The following SNX29 variants were observed in gnomAD, a reference collection of about 807,000 sequenced individuals.
SNX29 encodes the protein sorting nexin-29.
A neutral mutation model predicts 102.1 loss-of-function variants in SNX29; 78 were observed. The observed-to-expected ratio is 0.76, with a 90% CI of 0.64 to 0.92. The LOEUF is 0.92. SNX29 is among the 40% of genes least tolerant of loss of function. The pLI is 0.00. For missense variants in SNX29, 1,280 were observed against 1,061.7 expected, an observed-to-expected ratio of 1.21 and a Z score of -2.86; for synonymous variants, 580 against 414.5, an observed-to-expected ratio of 1.40 and a Z score of -4.85.
chr16:12,226,711 T>G (rs1188220274), intron 14 of SNX29, among the ~76,000 whole-genome samples: 2 of 151,972 alleles, frequency 1.3e-5, no homozygotes, highest in African/African-American at 4.8e-5. Context: ...GTAGCCGGGA[T>G]TACAGGTGTG....
At chr16:12,032,954 A>G (rs935431739) in intron 4 of SNX29, among the ~76,000 whole-genome samples, 1 of 152,090 alleles carries the variant, frequency 6.6e-6, no homozygotes, top group African/African-American at 2.4e-5. Context: ...CCCCAGGTTC[A>G]AGTGATTCTC....
At chr16:12,297,655 C>T (rs2080027464) in intron 15 of SNX29, among the ~76,000 whole-genome samples, 1 of 152,110 alleles carries the variant, frequency 6.6e-6, no homozygotes, top group Admixed American at 6.6e-5. Flanking sequence ...TTGCATTCGT[C>T]ATAACACAGT....
chr16:12,185,858 G>A (rs1486997304), intron 13 of SNX29, among the ~76,000 whole-genome samples: 1 of 152,196 alleles, frequency 6.6e-6, no homozygotes, highest in East Asian at 1.9e-4. Flanking sequence ...CTCATTTGAG[G>A]TCAGATGCTC....
At chr16:12,567,087 G>A (rs995421244) in intron 20 of SNX29, among the ~76,000 whole-genome samples, 7 of 152,242 alleles carry the variant, frequency 4.6e-5, no homozygotes, top group Non-Finnish European at 1.0e-4. Flanking sequence ...GGATCCTCGA[G>A]GGGAATGATT....
chr16:12,279,430 C>T (rs1236960190), intron 15 of SNX29, among the ~76,000 whole-genome samples: 1 of 152,230 alleles, frequency 6.6e-6, no homozygotes, highest in African/African-American at 2.4e-5. Context: ...CCTTAACACA[C>T]AGGTTGGTGG....
chr16:12,385,717 C>G (rs954733837), intron 16 of SNX29, among the ~76,000 whole-genome samples: 2 of 152,244 alleles, frequency 1.3e-5, no homozygotes, highest in Non-Finnish European at 2.9e-5. Flanking sequence ...ATATCGACAA[C>G]TGACAATAAT....
chr16:12,080,332 G>A (rs994298647), intron 11 of SNX29, among the ~76,000 whole-genome samples: 9 of 152,326 alleles, frequency 5.9e-5, no homozygotes, highest in Non-Finnish European at 1.2e-4. Flanking sequence ...AGGCTGCTGC[G>A]TGGGAACGGC....
chr16:12,452,815 C>T (rs1032296248), intron 18 of SNX29, among the ~76,000 whole-genome samples: 10 of 152,022 alleles, frequency 6.6e-5, no homozygotes, highest in Admixed American at 2.0e-4. Context: ...ACCTCTGCTC[C>T]GACATGAGAT....
At chr16:12,528,160 C>G (rs908874689) in intron 20 of SNX29, among the ~76,000 whole-genome samples, 7 of 151,734 alleles carry the variant, frequency 4.6e-5, no homozygotes, top group Non-Finnish European at 7.4e-5. Context: ...TACTTGCCAA[C>G]ATCAAAAAAT....
intron 4 of SNX29, among the ~76,000 whole-genome samples, chr16:12,033,933 C>T (rs1196044174): frequency 6.6e-6 from 1 of 152,134 alleles, no homozygotes; most frequent in Admixed American, 6.6e-5. Context: ...GCCACCTACA[C>T]AGTAGATGCC....
chr16:12,135,658 C>A, intron 13 of SNX29: 1 of 1,294,316 alleles, frequency 7.7e-7, no homozygotes, highest in Non-Finnish European at 1.0e-6. Context: ...ATTTGAGCTC[C>A]TGGATCCAGT....
chr16:12,559,734 A>G (rs1180548636), intron 20 of SNX29, among the ~76,000 whole-genome samples: 2 of 152,190 alleles, frequency 1.3e-5, no homozygotes, highest in Non-Finnish European at 2.9e-5. Context: ...GAAATAGATG[A>G]AATAGTGATG....
intron 16 of SNX29, among the ~76,000 whole-genome samples, chr16:12,365,227 A>G (rs1195725936): frequency 6.6e-6 from 1 of 152,102 alleles, no homozygotes; most frequent in African/African-American, 2.4e-5. Context: ...TTAAACATTC[A>G]GATACTTCTG....
chr16:12,548,792 CATAGCTGGGCT>C (rs2077774384), intron 20 of SNX29, among the ~76,000 whole-genome samples: 1 of 152,196 alleles, frequency 6.6e-6, no homozygotes, highest in South Asian at 2.1e-4. Context: ...AGTGCTGGGT[CATAGCTGGGCT>C]GTTGTTTTCC....
chr16:12,060,768 T>C, intron 8 of SNX29: 1 of 456,258 alleles, frequency 2.2e-6, no homozygotes, highest in Admixed American at 2.3e-5. Flanking sequence ...CAGGGGCAAT[T>C]ACTCCCAAAC....
chr16:12,421,648 T>G (rs1056122340), intron 18 of SNX29, among the ~76,000 whole-genome samples: 6 of 152,158 alleles, frequency 3.9e-5, no homozygotes, highest in Non-Finnish European at 4.4e-5. Flanking sequence ...GGGAAGTTCT[T>G]AGGAAACATT....
At chr16:12,533,755 C>G (rs529467700) in intron 20 of SNX29, among the ~76,000 whole-genome samples, 1 of 152,096 alleles carries the variant, frequency 6.6e-6, no homozygotes, top group Non-Finnish European at 1.5e-5. Flanking sequence ...TGAATTAAGC[C>G]ATTGAGTTGT....
chr16:12,287,863 G>A (rs535153823), intron 15 of SNX29, among the ~76,000 whole-genome samples: 1 of 152,234 alleles, frequency 6.6e-6, no homozygotes, highest in South Asian at 2.1e-4. Context: ...TGAAGAACCT[G>A]GGTTGTTGAT....
intron 20 of SNX29, among the ~76,000 whole-genome samples, chr16:12,550,942 G>C (rs997402512): frequency 1.3e-5 from 2 of 152,142 alleles, no homozygotes; most frequent in Non-Finnish European, 2.9e-5. Context: ...ATTTTTAGTT[G>C]AATCATAAAG....
Sources: allele counts gnomAD v4.1 joint callset (sites outside exome capture counted in the v4.1 genomes callset), GRCh38; gene constraint gnomAD v4.1.1; transcripts MANE v1.5; gene names NCBI Gene and HGNC (gene_info 2026-07-23, HGNC 2026-07-21).